The following CSNK2A1 variants were observed in gnomAD, a reference collection of about 807,000 sequenced individuals.
CSNK2A1 encodes the protein casein kinase 2 alpha 1.
Under a neutral mutation model 62.9 loss-of-function variants are expected in CSNK2A1, and 10 were observed. The ratio of observed to expected loss-of-function variants is 0.16; its 90% CI spans 0.10 to 0.27. The LOEUF (loss-of-function observed/expected upper bound fraction) is 0.27. CSNK2A1 is among the 10% of genes least tolerant of loss of function. The probability of loss-of-function intolerance (pLI) is 1.00; values close to 1 mark genes in which losing one functional copy is unlikely to be tolerated. For missense variants in CSNK2A1, 160 were observed against 492.0 expected (o/e 0.33, Z 6.38); for synonymous variants, 124 against 167.8 (o/e 0.74, Z 2.02).
At chr20:485,936 T>C (rs2018088259) in intron 13 of CSNK2A1, among the ~76,000 whole-genome samples, 1 of 152,214 alleles carries the variant, frequency 6.6e-6, no homozygotes, top group South Asian at 2.1e-4. Flanking sequence ...CCATTTTACT[T>C]ATGTTTTTAC....
intron 12 of CSNK2A1, 31 bp downstream of exon 12, chr20:487,396 C>G: frequency 6.2e-7 from 1 of 1,612,732 alleles, no homozygotes; most frequent in South Asian, 1.1e-5. Flanking sequence ...TGCGCCTGCA[C>G]AAACTCTGTG....
chr20:500,194 A>C (rs1248604056), intron 4 of CSNK2A1: 1 of 428,378 alleles, frequency 2.3e-6, no homozygotes, highest in Non-Finnish European at 4.2e-6. Context: ...CATTTCAATC[A>C]TCAGTCTTGA....
intron 1 of CSNK2A1, among the ~76,000 whole-genome samples, chr20:535,927 T>C (rs532488904): frequency 6.6e-6 from 1 of 152,224 alleles, no homozygotes; most frequent in South Asian, 2.1e-4. Context: ...ACACACAATA[T>C]TCAAGCAATT....
chr20:511,462 A>G (rs1424488581), intron 2 of CSNK2A1, among the ~76,000 whole-genome samples: 1 of 152,162 alleles, frequency 6.6e-6, no homozygotes, highest in African/African-American at 2.4e-5. Flanking sequence ...TACCATCCCA[A>G]ATGAAAACTA....
chr20:530,814 G>A (rs934900561), intron 1 of CSNK2A1, among the ~76,000 whole-genome samples: 1 of 152,160 alleles, frequency 6.6e-6, no homozygotes, highest in Non-Finnish European at 1.5e-5. Context: ...GCCAGGCATA[G>A]TGGCTCACAC....
chr20:490,027 AGTCT>A, intron 9 of CSNK2A1, 146 bp from the exon 10 acceptor site: 1 of 637,750 alleles, frequency 1.6e-6, no homozygotes, highest in African/African-American at 1.9e-5. Flanking sequence ...ATTTCTTTTT[AGTCT>A]TTCTTTTTTT....
intron 4 of CSNK2A1, chr20:501,547 TCTA>T (rs1474905687): frequency 1.3e-5 from 2 of 152,196 alleles, no homozygotes; most frequent in African/African-American, 4.8e-5. Flanking sequence ...AAATTATTAA[TCTA>T]TTTTACCTTT....
At chr20:512,490 CCCAAAGAGAAG>C (rs1568538212) in intron 2 of CSNK2A1, among the ~76,000 whole-genome samples, 1 of 152,174 alleles carries the variant, frequency 6.6e-6, no homozygotes, top group Non-Finnish European at 1.5e-5. Context: ...AGCTACCACA[CCCAAAGAGAAG>C]CCAGAAGAGA....
At chr20:505,091 AC>A in intron 4 of CSNK2A1, 26 bp downstream of exon 4, 1 of 1,560,238 alleles carries the variant, frequency 6.4e-7, no homozygotes. Context: ...TATTCCAAAT[AC>A]CTCTGAAATT....
chr20:489,773 A>G lies in CSNK2A1; in HGVS notation c.723+7T>C. 1.3e-6 allele frequency: 2 copies of G among 1,594,666 alleles called. No individual in the cohort carries two copies. The highest frequency in any genetic ancestry group is 1.3e-5 in the African/African-American group (1 of 74,736). The stretch of plus-strand genomic sequence containing the variant: ...GTACATTTTTCAATGGGTATAACAT[A>G]TATTACCTGATCATAATTGTCATGT... On this transcript the variant is annotated splice_region_variant and intron_variant, in intron 10 of 13. Transcript: ENST00000217244.
intron 2 of CSNK2A1, among the ~76,000 whole-genome samples, chr20:517,726 C>A (rs1398010505): frequency 6.6e-6 from 1 of 152,148 alleles, no homozygotes; most frequent in Non-Finnish European, 1.5e-5. Flanking sequence ...TATAATTTTG[C>A]ACCCTAAAAT....
rs559885356 is a variant in CSNK2A1 at position 532,277 on chromosome 20, G to A, written c.-226-4228C>T. ...CCTCCTGGGTTCAAGCGATTCCCCC[G>A]CCTCAGCCTCCTGAGTATCTGGACT... On this transcript the variant is annotated intron_variant, in intron 1 of 13. Coordinates refer to ENST00000217244, the MANE Select transcript of CSNK2A1 (RefSeq NM_177559.3). Among the ~76,000 whole-genome samples, 105 of 150,412 alleles carry A rather than the reference G, an allele frequency of 7.0e-4. 2 individuals carry two copies. Among genetic ancestry groups the A allele is most frequent in the Middle Eastern group, 7.0e-3 (2 of 286 alleles).
At chr20:518,598 G>GTGA (rs1278465004) in intron 2 of CSNK2A1, among the ~76,000 whole-genome samples, 1 of 151,986 alleles carries the variant, frequency 6.6e-6, no homozygotes, top group Non-Finnish European at 1.5e-5. Flanking sequence ...CCAGGCTGGA[G>GTGA]TACAGTGGCC....
intron 13 of CSNK2A1, among the ~76,000 whole-genome samples, chr20:485,107 A>ATATAT (rs1568496519): frequency 5.6e-5 from 1 of 17,730 alleles, no homozygotes; most frequent in African/African-American, 1.7e-4. Flanking sequence ...AAAAAAAAAA[A>ATATAT]AAATATATAT....
At chr20:539,532 T>C (rs1304873474) in intron 1 of CSNK2A1, 1 of 152,246 alleles carries the variant, frequency 6.6e-6, no homozygotes, top group Non-Finnish European at 1.5e-5. Flanking sequence ...TCTCTGCTTT[T>C]AAGTGCTTAT....
At chr20:527,865 T>C (rs2019130291) in intron 2 of CSNK2A1, 68 bp downstream of exon 2, 1 of 152,182 alleles carries the variant, frequency 6.6e-6, no homozygotes. Context: ...CTCCTCAGTC[T>C]TACCTATAAA....
chr20:479,462 T>C lies in CSNK2A1; in HGVS notation c.*4499A>G, dbSNP rs1382946835. 1 of 152,160 alleles carries C rather than the reference T, an allele frequency of 6.6e-6. No individual in the cohort carries two copies. The highest frequency in any genetic ancestry group is 1.5e-5 in the Non-Finnish European group (1 of 68,030). The allele number at this position is 152,160 out of a possible 1,614,324, so 9.4% of individuals were successfully genotyped here. Reference sequence around the variant, plus strand: ...GGCAATGGAAATTCAACTTGGGTGGTAGGATTATGGATGTGTTACAGCTTT... The same window carrying C: ...GGCAATGGAAATTCAACTTGGGTGGCAGGATTATGGATGTGTTACAGCTTT... On this transcript the variant is annotated 3_prime_UTR_variant, in exon 14 of 14. Transcript: ENST00000217244.
At chr20:543,099 A>G (rs2019487880) in intron 1 of CSNK2A1, 2 of 152,266 alleles carry the variant, frequency 1.3e-5, no homozygotes, top group African/African-American at 4.8e-5. Context: ...CTCCAACTCC[A>G]GACGTTCTGC....
intron 1 of CSNK2A1, among the ~76,000 whole-genome samples, chr20:530,518 G>C (rs1937836878): frequency 6.7e-6 from 1 of 149,874 alleles, no homozygotes; most frequent in South Asian, 2.1e-4. Context: ...ACCCAGGCTG[G>C]AGTGCAATGG....
Sources: gnomAD v4.1 joint callset for allele counts (sites outside exome capture counted in the v4.1 genomes callset) on GRCh38, gnomAD v4.1.1 for gene constraint, MANE v1.5 for transcripts, NCBI Gene and HGNC (gene_info 2026-07-23, HGNC 2026-07-21) for gene names.